ZNF704: variants seen among roughly 807,000 people sequenced by gnomAD.
The protein encoded by ZNF704 is glucocorticoid induced gene 1.
ZNF704 carries 10 observed loss-of-function variants against 44.7 expected under a neutral mutation model. The ratio of observed to expected loss-of-function variants is 0.22; its 90% CI spans 0.14 to 0.38. ZNF704 has a LOEUF of 0.38. Among genes scored for constraint, ZNF704 ranks in the 10% least tolerant of loss-of-function variants. The pLI, the probability that ZNF704 is intolerant of heterozygous loss-of-function variation, is 1.00. For missense variants in ZNF704, 390 were observed against 545.5 expected (o/e 0.71, Z 2.84); for synonymous variants, 211 against 207.6 (o/e 1.02, Z -0.14).
At chr8:80,675,468 G>GT (rs1056769113) in intron 4 of ZNF704, among the ~76,000 whole-genome samples, 16 of 143,604 alleles carry the variant, frequency 1.1e-4, no homozygotes, top group South Asian at 1.0e-3. Context: ...CTTAAGTTTT[G>GT]TTTTGTTTTT....
intron 7 of ZNF704, among the ~76,000 whole-genome samples, chr8:80,652,495 G>A (rs904454366): frequency 2.8e-4 from 42 of 151,974 alleles, no homozygotes; most frequent in Admixed American, 2.0e-3. Context: ...TATCACCACC[G>A]ATCCCACAGA....
At chr8:80,882,800 A>T in the ZNF704 span, among the ~76,000 whole-genome samples, 3 of 152,116 alleles carry the variant, frequency 2.0e-5, no homozygotes, top group African/African-American at 7.2e-5. Flanking sequence ...TCTTTTTACT[A>T]CAGTGATGTG....
intron 2 of ZNF704, among the ~76,000 whole-genome samples, chr8:80,798,912 G>A (rs1807854384): frequency 6.6e-6 from 1 of 152,214 alleles, no homozygotes; most frequent in Non-Finnish European, 1.5e-5. Flanking sequence ...TATCTGGTGA[G>A]GGCTTTCTTG....
intron 2 of ZNF704, among the ~76,000 whole-genome samples, chr8:80,813,918 T>C (rs1050012120): frequency 1.3e-5 from 2 of 152,096 alleles, no homozygotes; most frequent in African/African-American, 4.8e-5. Flanking sequence ...ATAACATCAA[T>C]GTTACTAGGG....
intron 1 of ZNF704, among the ~76,000 whole-genome samples, chr8:80,824,689 C>A (rs756735323): frequency 1.2e-4 from 18 of 152,146 alleles, no homozygotes; most frequent in Non-Finnish European, 1.9e-4. Flanking sequence ...GTTGGGTTAC[C>A]CACAAAGGGA....
At chr8:80,672,322 G>C (rs891770857) in intron 4 of ZNF704, among the ~76,000 whole-genome samples, 1 of 152,210 alleles carries the variant, frequency 6.6e-6, no homozygotes, top group Non-Finnish European at 1.5e-5. Context: ...GGTGACGGGA[G>C]TGTGAATTAG....
intron 1 of ZNF704, among the ~76,000 whole-genome samples, chr8:80,869,905 G>C (rs1018947552): frequency 6.6e-6 from 1 of 152,198 alleles, no homozygotes; most frequent in African/African-American, 2.4e-5. Context: ...GCAGTAAGTA[G>C]GGAAGGGGAG....
chr8:80,672,449 C>CA (rs1435154044), intron 4 of ZNF704, among the ~76,000 whole-genome samples: 3 of 152,118 alleles, frequency 2.0e-5, no homozygotes, highest in African/African-American at 7.2e-5. Context: ...ATCATTCTAC[C>CA]AAAAAGACCC....
At chr8:80,760,030 T>A (rs1227600629) in intron 2 of ZNF704, among the ~76,000 whole-genome samples, 1 of 151,510 alleles carries the variant, frequency 6.6e-6, no homozygotes, top group Non-Finnish European at 1.5e-5. Context: ...GTGCTGAGAT[T>A]ATAGGCATGA....
chr8:80,769,065 T>C (rs1296266742), intron 2 of ZNF704, among the ~76,000 whole-genome samples: 1 of 152,174 alleles, frequency 6.6e-6, no homozygotes, highest in Non-Finnish European at 1.5e-5. Context: ...TACTGGTATA[T>C]GATTTTCTTT....
intron 1 of ZNF704, among the ~76,000 whole-genome samples, chr8:80,864,583 G>A (rs1809122140): frequency 6.6e-6 from 1 of 152,040 alleles, no homozygotes; most frequent in Non-Finnish European, 1.5e-5. Context: ...TAATTACCAA[G>A]CCCTTTTCTC....
intron 1 of ZNF704, among the ~76,000 whole-genome samples, chr8:80,871,811 A>G (rs1205289987): frequency 6.6e-6 from 1 of 152,232 alleles, no homozygotes; most frequent in Non-Finnish European, 1.5e-5. Context: ...AGAGTAATTT[A>G]AAAGATAAAC....
At chr8:80,668,155 A>T (rs965477862) in intron 5 of ZNF704, among the ~76,000 whole-genome samples, 11 of 152,344 alleles carry the variant, frequency 7.2e-5, no homozygotes, top group African/African-American at 2.6e-4. Flanking sequence ...ATAATTTGTG[A>T]GTTTGTAGAG....
chr8:80,816,382 CTA>C (rs1252162123), intron 2 of ZNF704, among the ~76,000 whole-genome samples: 2 of 152,170 alleles, frequency 1.3e-5, no homozygotes, highest in African/African-American at 2.4e-5. Flanking sequence ...ACTCGAATGT[CTA>C]TTAACTGATG....
intron 2 of ZNF704, among the ~76,000 whole-genome samples, chr8:80,798,841 A>G (rs1330859257): frequency 1.3e-5 from 2 of 152,242 alleles, no homozygotes; most frequent in African/African-American, 2.4e-5. Context: ...AATAATTTAT[A>G]AAGAAAAGGA....
chr8:80,661,196 C>T (rs983337808), intron 6 of ZNF704, among the ~76,000 whole-genome samples: 1 of 152,080 alleles, frequency 6.6e-6, no homozygotes, highest in African/African-American at 2.4e-5. Context: ...TGAAAAAATG[C>T]TCAACGTCAC....
chr8:80,852,039 T>G (rs1456161852), intron 1 of ZNF704, among the ~76,000 whole-genome samples: 2 of 152,122 alleles, frequency 1.3e-5, no homozygotes, highest in Non-Finnish European at 2.9e-5. Context: ...GGTAAGTGAA[T>G]CTAGAGGGTA....
chr8:80,878,156 G>A (rs1045262760), upstream of ZNF704, among the ~76,000 whole-genome samples: 1 of 152,044 alleles, frequency 6.6e-6, no homozygotes, highest in Non-Finnish European at 1.5e-5. Flanking sequence ...CTCCTGTCTG[G>A]TTTCTTCAGA....
intron 2 of ZNF704, among the ~76,000 whole-genome samples, chr8:80,725,455 T>C (rs1186938821): frequency 6.6e-6 from 1 of 152,144 alleles, no homozygotes; most frequent in Non-Finnish European, 1.5e-5. Context: ...ACATCACGTA[T>C]ATGGAATTAA....
Sources: gnomAD v4.1 joint callset for allele counts (sites outside exome capture counted in the v4.1 genomes callset) on GRCh38, gnomAD v4.1.1 for gene constraint, MANE v1.5 for transcripts, NCBI Gene and HGNC (gene_info 2026-07-23, HGNC 2026-07-21) for gene names.